OTOF: variants seen among roughly 807,000 people sequenced by gnomAD.
The protein encoded by OTOF is fer-1-like family member 2.
OTOF carries 218 observed loss-of-function variants against 236.8 expected under a neutral mutation model. The observed-to-expected ratio is 0.92, with a 90% confidence interval of 0.82 to 1.03. The LOEUF is 1.03. Ranked by LOEUF, OTOF falls within the 50% of genes least tolerant of loss-of-function variation. The pLI is 0.00. For missense variants in OTOF, 2,590 were observed against 2,694.4 expected, an observed-to-expected ratio of 0.96 and a Z score of 0.86; for synonymous variants, 1,041 against 1,072.5, an observed-to-expected ratio of 0.97 and a Z score of 0.57.
intron 1 of OTOF, among the ~76,000 whole-genome samples, chr2:26,554,677 G>C (rs1035071499): frequency 2.0e-5 from 3 of 151,778 alleles, no homozygotes; most frequent in Non-Finnish European, 2.9e-5. Flanking sequence ...GAAGAAATAT[G>C]ATCGATGTCT....
intron 3 of OTOF, among the ~76,000 whole-genome samples, chr2:26,522,004 C>T (rs1666688066): frequency 6.6e-6 from 1 of 152,198 alleles, no homozygotes; most frequent in Non-Finnish European, 1.5e-5. Flanking sequence ...GTCTCCTTTG[C>T]AGGATGGGCT....
At position 26,462,017 on chromosome 2, in the gene OTOF, C is replaced by T; in HGVS notation, c.5291+66G>A. The T allele has an allele frequency of 6.2e-7, 1 of 1,612,848 alleles. No homozygotes were observed. The highest frequency in any genetic ancestry group is 1.7e-5 in the Admixed American group (1 of 60,014). ...CACAGCCACCTTCCCTCTGCCTCCTCTCCTGCCCCCCGGGAAGCAAGCCCC... is the reference window on the plus strand; with the variant it reads ...CACAGCCACCTTCCCTCTGCCTCCTTTCCTGCCCCCCGGGAAGCAAGCCCC... On this transcript the variant is annotated intron_variant, in intron 42 of 46. Coordinates refer to ENST00000272371, the MANE Select transcript of OTOF (RefSeq NM_194248.3). The surrounding 1 kb of genome is among the most constrained non-coding windows in gnomAD (Gnocchi z 4.7).
At chr2:26,489,439 C>T in intron 10 of OTOF, 144 bp from the exon 11 acceptor site, 1 of 742,802 alleles carries the variant, frequency 1.3e-6, no homozygotes, top group Non-Finnish European at 2.4e-6. Flanking sequence ...ATCAGCTCCT[C>T]CTGCCCACGC....
At chr2:26,487,471 C>G (rs1665728718) in intron 11 of OTOF, among the ~76,000 whole-genome samples, 1 of 152,136 alleles carries the variant, frequency 6.6e-6, no homozygotes, top group Non-Finnish European at 1.5e-5. Context: ...CCTGGACCAG[C>G]TGTTTAAGCC....
intron 11 of OTOF, among the ~76,000 whole-genome samples, chr2:26,486,331 C>T (rs1417340090): frequency 1.0e-4 from 6 of 59,878 alleles, no homozygotes; most frequent in Admixed American, 5.0e-4. Context: ...GATGGATTCA[C>T]GGATGGGTGG....
intron 5 of OTOF, among the ~76,000 whole-genome samples, chr2:26,507,942 G>A (rs1343204955): frequency 6.6e-6 from 1 of 152,222 alleles, no homozygotes; most frequent in African/African-American, 2.4e-5. Flanking sequence ...GCGTGTTGCT[G>A]TGTGGTGCAC....
chr2:26,465,079 T>G (rs1664665123), intron 38 of OTOF, 50 bp from the exon 39 acceptor site: 1 of 1,403,406 alleles, frequency 7.1e-7, no homozygotes, highest in South Asian at 1.8e-5. Context: ...GACTAAGCCA[T>G]CCTGGATGAC....
chr2:26,460,879 G>A lies in OTOF; in HGVS notation c.5685C>T (p.Arg1895=), dbSNP rs768274031. 1 of 1,614,194 alleles carries A rather than the reference G, an allele frequency of 6.2e-7. No individual in the cohort carries two copies. The highest frequency in any genetic ancestry group is 2.2e-5 in the East Asian group (1 of 44,872). ...TGAGCTCAAACTCATCGTTCTCATT[G>A]CGGGCCAGGAGGGGCCACCAGCCTT... ...RVKGWWPLLA[R]NENDEFELTG... is the part of the protein sequence containing the mutation. The change falls in exon 44 of 47, where the codon CGC becomes CGT. Residue 1895 remains arginine, a synonymous_variant. Transcript: ENST00000272371. This position sits in a 1 kb window ranked among gnomAD's most constrained non-coding sequence, Gnocchi z 5.3.
chr2:26,484,317 C>G (rs965504879), intron 12 of OTOF, among the ~76,000 whole-genome samples, 157 bp downstream of exon 12: 1 of 152,236 alleles, frequency 6.6e-6, no homozygotes, highest in Non-Finnish European at 1.5e-5. Context: ...CCCCCTGCCC[C>G]TGCCCTGCCT....
chr2:26,537,030 C>T (rs764769540), intron 2 of OTOF, among the ~76,000 whole-genome samples: 17 of 152,138 alleles, frequency 1.1e-4, no homozygotes, highest in Non-Finnish European at 2.1e-4. Context: ...CCTGGGCACC[C>T]CTGTGGGATG....
In OTOF at chr2:26,489,679, G is replaced by A. The variant is rs371666216; in HGVS notation, c.959C>T (p.Ser320Leu). 7.7e-5 allele frequency: 124 copies of A among 1,612,324 alleles called. No individual in the cohort carries two copies. Among genetic ancestry groups the A allele is most frequent in the Non-Finnish European group, 9.5e-5 (112 of 1,179,418 alleles). Reference sequence around the variant, plus strand: ...GGCCAGGGGCTGCTCCCCACTCACCGAAATCTTGATGATCTTGTCAAACAT... The same window carrying A: ...GGCCAGGGGCTGCTCCCCACTCACCAAAATCTTGATGATCTTGTCAAACAT... ...DVMFDKIIKI[S>L]VIHSKNLLRS... The change falls in exon 10 of 47, where the codon TCG becomes TTG. Residue 320 changes from serine to leucine, a missense_variant and splice_region_variant. This residue lies in a region of OTOF where 1,379 missense variants were observed against 1,341.6 expected (regional missense o/e 1.03). Coordinates refer to ENST00000272371, the MANE Select transcript of OTOF (RefSeq NM_194248.3).
At chr2:26,538,461 G>T (rs1667130849) in intron 1 of OTOF, among the ~76,000 whole-genome samples, 1 of 152,246 alleles carries the variant, frequency 6.6e-6, no homozygotes, top group African/African-American at 2.4e-5. Context: ...GTGTGAGATG[G>T]ACACACATTG....
intron 5 of OTOF, among the ~76,000 whole-genome samples, chr2:26,504,864 G>A (rs747638843): frequency 2.6e-5 from 4 of 152,152 alleles, no homozygotes; most frequent in Non-Finnish European, 5.9e-5. Context: ...TCATCCTGTA[G>A]GTCCAGGTGG....
At chr2:26,537,305 A>G (rs936716679) in intron 2 of OTOF, among the ~76,000 whole-genome samples, 16 of 151,748 alleles carry the variant, frequency 1.1e-4, no homozygotes, top group Non-Finnish European at 2.9e-5. Context: ...CTGCTCTTCA[A>G]CCCCTGGGGA....
At chr2:26,503,400 G>T (rs1666168681) in intron 6 of OTOF, among the ~76,000 whole-genome samples, 1 of 152,262 alleles carries the variant, frequency 6.6e-6, no homozygotes, top group South Asian at 2.1e-4. Flanking sequence ...CTTGGGCGAG[G>T]CCTGCCGCCG....
rs186609961 is a variant in OTOF, at chr2:26,521,265, C to A, written c.228-2156G>T. Among the ~76,000 whole-genome samples, 8 of 152,272 alleles carry A rather than the reference C, an allele frequency of 5.3e-5. No individual in the cohort carries two copies. In the East Asian group the frequency reaches 9.7e-4, roughly 18 times the overall value. On this transcript the variant is annotated intron_variant, in intron 3 of 46. Transcript: ENST00000272371. Reference sequence around the variant, plus strand: ...CTGCCTTGATTCCCCTAGGACCTGTCGAGCACCTGTTGAGCGTGGGGCGAT... The same window carrying A: ...CTGCCTTGATTCCCCTAGGACCTGTAGAGCACCTGTTGAGCGTGGGGCGAT...
Position 26,530,740 on chromosome 2 carries a change from T to C in OTOF, c.139-2820A>G, listed in dbSNP as rs138676551. Among the ~76,000 whole-genome samples the C allele has an allele frequency of 2.2e-3, 331 of 152,314 alleles. 1 individual carries two copies. Among genetic ancestry groups the C allele is most frequent in the South Asian group, 0.013 (61 of 4,816 alleles). On this transcript the variant is annotated intron_variant, in intron 2 of 46. Transcript: ENST00000272371. ...CTGTCTCTATCTCTCCCTTTGTCTC[T>C]GTCTCCCTCTGTCTTTCTCAGGGGT...
chr2:26,525,112 T>A (rs1666769422), intron 3 of OTOF, among the ~76,000 whole-genome samples: 2 of 152,182 alleles, frequency 1.3e-5, no homozygotes, highest in South Asian at 4.1e-4. Flanking sequence ...GTGGGGGGTG[T>A]CTCACCAACC....
Position 26,503,055 on chromosome 2 carries a change from C to T in OTOF, c.584-629G>A, listed in dbSNP as rs555824738. Among the ~76,000 whole-genome samples, 8 of 150,800 alleles carry T rather than the reference C, an allele frequency of 5.3e-5. No individual in the cohort carries two copies. The South Asian group carries it at 1.7e-3, about 32-fold the overall frequency. On this transcript the variant is annotated intron_variant, in intron 6 of 46. Coordinates refer to ENST00000272371, the MANE Select transcript of OTOF (RefSeq NM_194248.3). ...TCTCCATTTAAGAAGGTGAAGGGCACGGCTGGAATTGGCATGGGGGCAAGA... is the reference window on the plus strand; with the variant it reads ...TCTCCATTTAAGAAGGTGAAGGGCATGGCTGGAATTGGCATGGGGGCAAGA...
Sources: gnomAD v4.1 joint callset for allele counts (sites outside exome capture counted in the v4.1 genomes callset) on GRCh38, gnomAD v4.1.1 for gene constraint, gnomAD v4.1.1 regional missense constraint, Gnocchi (gnomAD v3.1) non-coding constraint, MANE v1.5 for transcripts, NCBI Gene and HGNC (gene_info 2026-07-23, HGNC 2026-07-21) for gene names.